BMP8B: variants seen among roughly 807,000 people sequenced by gnomAD.
BMP8B encodes bone morphogenetic protein 8b.
A neutral mutation model predicts 30.3 loss-of-function variants in BMP8B; 17 were observed. The observed-to-expected ratio is 0.56, with a 90% confidence interval of 0.38 to 0.84. The LOEUF (loss-of-function observed/expected upper bound fraction) is 0.84, where lower values mean the gene tolerates loss of function less well. BMP8B is among the 40% of genes least tolerant of loss of function. The pLI is 0.00. For synonymous variants in BMP8B, 131 were observed against 214.7 expected, an observed-to-expected ratio of 0.61 and a Z score of 3.41; for missense variants, 253 against 494.6, an observed-to-expected ratio of 0.51 and a Z score of 4.63.
chr1:39,760,780 ACAC>A (rs1253815738), intron 6 of BMP8B, among the ~76,000 whole-genome samples: 1 of 152,108 alleles, frequency 6.6e-6, no homozygotes, highest in Non-Finnish European at 1.5e-5. Context: ...CCAGGGAGGG[ACAC>A]ATGGCAGGGG....
At chr1:39,776,964 T>C (rs759939466) in intron 1 of BMP8B, among the ~76,000 whole-genome samples, 3 of 152,182 alleles carry the variant, frequency 2.0e-5, no homozygotes, top group Non-Finnish European at 2.9e-5. Flanking sequence ...CTGTAAATGC[T>C]ATGAAGGAAA....
Position 39,760,422 on chromosome 1 carries a change from G to T in BMP8B, c.1206C>A (p.His402Gln). ...CAGCTGGGCCGGGCGGGTGGACTCA[G>T]TGGCAGCCGCAGGCCTTGACCACCA... The part of the protein sequence containing the change: ...RNMVVKACGC[H>Q] The change falls in exon 7 of 7, where the codon CAC (histidine) becomes CAA (glutamine). Residue 402 changes from histidine to glutamine, a missense_variant. Coordinates refer to ENST00000372827, the MANE Select transcript of BMP8B (RefSeq NM_001720.5). The T allele has an allele frequency of 6.2e-7, 1 of 1,613,768 alleles. No individual in the cohort carries two copies.
In BMP8B at chr1:39,788,133, C is replaced by G. The variant is rs1651125775; in HGVS notation, c.334+19G>C. The stretch of plus-strand genomic sequence containing the variant: ...AGCCAGCTTACTCCGAGGGTCCCCG[C>G]GCGGGCGGCCGCACTCACCCATGTT... On this transcript the variant is annotated intron_variant, in intron 1 of 6. Transcript: ENST00000372827. The surrounding 1 kb of genome is among the most constrained non-coding windows in gnomAD (Gnocchi z 5.8). 1 of 1,546,630 alleles carries G rather than the reference C, an allele frequency of 6.5e-7. No homozygotes were observed. Among genetic ancestry groups the G allele is most frequent in the Non-Finnish European group, 8.6e-7 (1 of 1,159,960 alleles).
intron 1 of BMP8B, among the ~76,000 whole-genome samples, chr1:39,776,877 G>GAAAA (rs1650273280): frequency 6.6e-6 from 1 of 152,156 alleles, no homozygotes; most frequent in Non-Finnish European, 1.5e-5. Flanking sequence ...CACACACAGG[G>GAAAA]AGTTTACGGT....
chr1:39,785,997 C>A (rs920726814), intron 1 of BMP8B, among the ~76,000 whole-genome samples: 3 of 152,284 alleles, frequency 2.0e-5, no homozygotes, highest in African/African-American at 7.2e-5. Context: ...GGCCCCAAGT[C>A]TTCATGAAAT....
Position 39,780,139 on chromosome 1 carries a change from G to A in BMP8B, c.335-5101C>T, listed in dbSNP as rs928978059. ...TCCTGGCAGGGACCTATCACCACTA[G>A]TGTCATATTCTATTGGTCACACAGA... On this transcript the variant is annotated intron_variant, in intron 1 of 6. Transcript: ENST00000372827. Among the ~76,000 whole-genome samples, 9 of 152,214 alleles carry A rather than the reference G, an allele frequency of 5.9e-5. No individual in the cohort carries two copies. The South Asian group carries it at 1.7e-3, about 28-fold the overall frequency.
At chr1:39,769,842 C>T (rs755094827) in intron 3 of BMP8B, 22 of 1,612,530 alleles carry the variant, frequency 1.4e-5, no homozygotes, top group Non-Finnish European at 1.9e-5. Context: ...ACGTCAAACA[C>T]GGCCTTCTCG....
chr1:39,769,173 C>T lies in BMP8B; in HGVS notation c.674-4356G>A, dbSNP rs550705108. On this transcript the variant is annotated intron_variant, in intron 3 of 6. Coordinates refer to ENST00000372827, the MANE Select transcript of BMP8B (RefSeq NM_001720.5). ...TTGCATTCCAGCCTGAGCGACAGAG[C>T]CAGACCCTGCCTCAAAAAAAAGAAA... 6.6e-5 allele frequency among the ~76,000 whole-genome samples: 10 copies of T among 150,484 alleles called. 1 individual carries two copies. The highest frequency in any genetic ancestry group is 2.0e-4 in the African/African-American group (8 of 40,740).
intron 1 of BMP8B, among the ~76,000 whole-genome samples, chr1:39,782,025 G>C (rs944011728): frequency 6.6e-6 from 1 of 151,802 alleles, no homozygotes; most frequent in Non-Finnish European, 1.5e-5. Flanking sequence ...GCGTGGTGGC[G>C]GGTGCCTGTA....
At chr1:39,763,407 C>T (rs1649308089) in intron 5 of BMP8B, among the ~76,000 whole-genome samples, 1 of 145,390 alleles carries the variant, frequency 6.9e-6, no homozygotes, top group African/African-American at 2.6e-5. Flanking sequence ...CCGGCCCTCC[C>T]CTGCCCACGC....
intron 1 of BMP8B, among the ~76,000 whole-genome samples, chr1:39,786,128 G>A (rs1650969101): frequency 6.6e-6 from 1 of 152,194 alleles, no homozygotes; most frequent in Non-Finnish European, 1.5e-5. Flanking sequence ...AAACAGGGCT[G>A]GCAAAACAGT....
rs985421268 is a variant in BMP8B, at chr1:39,788,311, G to T, written c.175C>A (p.Arg59=). 8.0e-7 allele frequency: 1 copy of T among 1,248,630 alleles called. No homozygotes were observed. Among genetic ancestry groups the T allele is most frequent in the East Asian group, 3.5e-5 (1 of 28,808 alleles). 77.3% of individuals were successfully genotyped at this position (1,248,630 alleles called of 1,614,324 possible). A position where few individuals can be genotyped will look rare whatever the true frequency, so the allele number is the denominator to read the frequency against. Residue 59 remains arginine (R), a synonymous_variant, in exon 1 of 7, where the codon CGG becomes AGG. Transcript: ENST00000372827. This position sits in a 1 kb window ranked among gnomAD's most constrained non-coding sequence, Gnocchi z 5.8. ...GAGGCGGCGGGTGGCGCGCGGGGCC[G>T]GGGCCGCCCAGGCAGCCCGAGCACC... ...LAVLGLPGRP[R]PRAPPAASRL...
chr1:39,770,610 C>T lies in BMP8B; in HGVS notation c.673+3698G>A, dbSNP rs768546307. On this transcript the variant is annotated intron_variant, in intron 3 of 6. Coordinates refer to ENST00000372827, the MANE Select transcript of BMP8B (RefSeq NM_001720.5). ...CTGAAGACCACGTTTCCTGCCCGGT[C>T]GGCCTTCCACCCTTTCACCAGGGCG... is the stretch of plus-strand genomic sequence containing the variant. 6.4e-5 allele frequency: 102 copies of T among 1,590,828 alleles called. 1 individual carries two copies. In the Admixed American group the frequency reaches 1.7e-3, roughly 27 times the overall value.
chr1:39,783,848 T>C (rs564371207), intron 1 of BMP8B, among the ~76,000 whole-genome samples: 41 of 152,362 alleles, frequency 2.7e-4, no homozygotes, highest in Middle Eastern at 6.8e-3. Flanking sequence ...AGTTTGCAGT[T>C]GCAGTGAGCT....
Position 39,788,696 on chromosome 1 carries a change from C to T in BMP8B, c.-211G>A, listed in dbSNP as rs375823363. ...CTGTCCTGGCTCCTGGACGAGAGGA[C>T]GCGGACGCCACCGCCTCGAGGCCGG... On this transcript the variant is annotated 5_prime_UTR_variant, in exon 1 of 7. Transcript: ENST00000372827. This position sits in a 1 kb window ranked among gnomAD's most constrained non-coding sequence, Gnocchi z 5.8. The T allele has an allele frequency of 8.1e-4, 211 of 261,934 alleles. 4 individuals carry two copies. The East Asian group carries it at 0.03, about 38-fold the overall frequency. The allele number at this position is 261,934 out of a possible 1,614,324, so 16.2% of individuals were successfully genotyped here.
rs1175284787 is a variant in BMP8B, at chr1:39,758,444, C to A, written c.*1975G>T. The A allele has an allele frequency of 6.6e-6, 1 of 152,308 alleles. No homozygotes were observed. The highest frequency in any genetic ancestry group is 1.5e-5 in the Non-Finnish European group (1 of 68,154). The allele number at this position is 152,308 out of a possible 1,614,324, so 9.4% of individuals were successfully genotyped here. On this transcript the variant is annotated 3_prime_UTR_variant, in exon 7 of 7. Transcript: ENST00000372827. ...GTTTCACTGTGTTGGCCAGGATGGT[C>A]TTGAACTCCTGACTTCAGGTGATCT... is the stretch of plus-strand genomic sequence containing the variant.
At chr1:39,779,547 G>A (rs149154429) in intron 1 of BMP8B, among the ~76,000 whole-genome samples, 6 of 152,366 alleles carry the variant, frequency 3.9e-5, no homozygotes, top group Admixed American at 3.9e-4. Context: ...CACAATGCAG[G>A]ACAGGTGCTT....
intron 3 of BMP8B, chr1:39,770,735 T>A (rs1346891572): frequency 1.9e-6 from 2 of 1,071,904 alleles, no homozygotes; most frequent in South Asian, 3.3e-5. Context: ...GTCCGGGGTG[T>A]AGCGGATGGG....
chr1:39,780,668 G>T (rs541514378), intron 1 of BMP8B, among the ~76,000 whole-genome samples: 184 of 152,356 alleles, frequency 1.2e-3, no homozygotes, highest in Non-Finnish European at 2.2e-3. Context: ...AATGTGGATG[G>T]ATGGCTTGAG....
Sources: allele counts gnomAD v4.1 joint callset (sites outside exome capture counted in the v4.1 genomes callset), GRCh38; gene constraint gnomAD v4.1.1; non-coding constraint Gnocchi (gnomAD v3.1); transcripts MANE v1.5; gene names NCBI Gene and HGNC (gene_info 2026-07-23, HGNC 2026-07-21).